Variants in CBFA2T2 observed in about 807,000 individuals in gnomAD.
CBFA2T2 encodes CBFA2/RUNX1 partner transcriptional co-repressor 2, also known as protein CBFA2T2.
Under a neutral mutation model 62.2 loss-of-function variants are expected in CBFA2T2, and 11 were observed. The observed-to-expected ratio is 0.18, with a 90% confidence interval of 0.11 to 0.29. CBFA2T2 has a LOEUF of 0.29. CBFA2T2 is among the 10% of genes least tolerant of loss of function. The pLI is 1.00. For missense variants in CBFA2T2, 592 were observed against 774.1 expected (o/e 0.76, Z 2.79); for synonymous variants, 295 against 287.5 (o/e 1.03, Z -0.27).
At chr20:33,516,341 A>G (rs948722570) in intron 1 of CBFA2T2, among the ~76,000 whole-genome samples, 2 of 152,034 alleles carry the variant, frequency 1.3e-5, no homozygotes, top group South Asian at 2.1e-4. Flanking sequence ...GTGGTGGTGC[A>G]TGCCTGTAAT....
In CBFA2T2 at chr20:33,645,051, G is replaced by A. The variant is rs774744466; in HGVS notation, c.*405G>A. On this transcript the variant is annotated 3_prime_UTR_variant, in exon 11 of 11. Coordinates refer to ENST00000342704, the MANE Select transcript of CBFA2T2 (RefSeq NM_001032999.3). ...CAGCAGGCTGTGGAGGAGGCCCCTC[G>A]GTCAGGGAGCGGCCTGCCTCACCCC... The A allele has an allele frequency of 1.6e-5, 3 of 193,208 alleles. No homozygotes were observed. Among genetic ancestry groups the A allele is most frequent in the African/African-American group, 2.3e-5 (1 of 42,566 alleles). The allele number at this position is 193,208 out of a possible 1,614,324, so 12.0% of individuals were successfully genotyped here.
In CBFA2T2 at chr20:33,628,352, C is replaced by G; in HGVS notation, c.949C>G (p.Leu317Val). The G allele has an allele frequency of 6.2e-7, 1 of 1,607,714 alleles. No homozygotes were observed. The highest frequency in any genetic ancestry group is 1.7e-5 in the Admixed American group (1 of 59,996). ...EVRDRHHSLGLNGGYQDELVD... is the reference protein window; with the variant it reads ...EVRDRHHSLGVNGGYQDELVD... ...ATTTAATCTGTAATTTCTAATAGGT[C>G]TAAATGGAGGCTATCAAGATGAGTT... Residue 317 changes from leucine (L) to valine (V), a missense_variant and splice_region_variant, in exon 7 of 11, where the codon CTA (leucine) becomes GTA (valine). By Grantham distance (32) the Leu-to-Val change is conservative. Transcript: ENST00000342704.
At chr20:33,535,446 CCTT>C (rs201204396) in intron 1 of CBFA2T2, among the ~76,000 whole-genome samples, 4,031 of 149,672 alleles carry the variant, frequency 0.027, 162 homozygotes, top group African/African-American at 0.092. Context: ...TCAGTTGCTT[CCTT>C]ATTTATCTTA....
chr20:33,563,800 T>G (rs2013181128), intron 1 of CBFA2T2, among the ~76,000 whole-genome samples: 1 of 152,156 alleles, frequency 6.6e-6, no homozygotes, highest in African/African-American at 2.4e-5. Context: ...CCTAAACCCC[T>G]TGCATTTTTA....
intron 1 of CBFA2T2, among the ~76,000 whole-genome samples, chr20:33,593,299 C>T (rs935319505): frequency 1.3e-5 from 2 of 151,696 alleles, no homozygotes; most frequent in Non-Finnish European, 2.9e-5. Context: ...GCCACTGCAC[C>T]CCAACCTGGG....
intron 1 of CBFA2T2, among the ~76,000 whole-genome samples, chr20:33,536,634 C>T (rs1197520376): frequency 2.0e-5 from 3 of 149,656 alleles, no homozygotes; most frequent in Non-Finnish European, 4.4e-5. Flanking sequence ...GGTTGCCAGG[C>T]GGAGGGTCTC....
chr20:33,521,104 TTTAGGGGGAGAAGAA>T lies in CBFA2T2; in HGVS notation c.34+30804_34+30818del, dbSNP rs531593088. On this transcript the variant is annotated intron_variant, in intron 1 of 10. Transcript: ENST00000342704. ...AGTATAGGTTAAGTCGATTTAAGGC[TTTAGGGGGAGAAGAA>T]AACATTTCTCAATTATAAAGTATAC... is the stretch of plus-strand genomic sequence containing the variant. 2.4e-3 allele frequency among the ~76,000 whole-genome samples: 362 copies of T among 151,860 alleles called. 2 individuals are homozygous for T. The highest frequency in any genetic ancestry group is 6.9e-3 in the African/African-American group (284 of 41,410).
intron 1 of CBFA2T2, among the ~76,000 whole-genome samples, chr20:33,579,815 CTCTTT>C (rs2146912422): frequency 9.0e-6 from 1 of 110,888 alleles, no homozygotes; most frequent in Admixed American, 1.0e-4. Context: ...CTCTCTCTCT[CTCTTT>C]TTTTTTTTTT....
chr20:33,538,373 T>A (rs556094838), intron 1 of CBFA2T2, among the ~76,000 whole-genome samples: 1 of 152,130 alleles, frequency 6.6e-6, no homozygotes, highest in African/African-American at 2.4e-5. Context: ...TTCTTTTTTC[T>A]TTTTCCTTTT....
chr20:33,576,706 G>T (rs2013842620), intron 1 of CBFA2T2, among the ~76,000 whole-genome samples: 1 of 152,284 alleles, frequency 6.6e-6, no homozygotes, highest in African/African-American at 2.4e-5. Context: ...CAGCAAGGCA[G>T]ACAGCATGGC....
At chr20:33,538,145 T>C (rs536682199) in intron 1 of CBFA2T2, among the ~76,000 whole-genome samples, 2 of 152,218 alleles carry the variant, frequency 1.3e-5, no homozygotes, top group South Asian at 4.1e-4. Flanking sequence ...TTCTCAGTAG[T>C]ATTTTTGTGT....
chr20:33,542,969 T>C (rs2012446143), intron 1 of CBFA2T2, among the ~76,000 whole-genome samples: 1 of 151,270 alleles, frequency 6.6e-6, no homozygotes, highest in African/African-American at 2.4e-5. Context: ...CCCGGCTATT[T>C]CTTACTAATA....
intron 1 of CBFA2T2, among the ~76,000 whole-genome samples, chr20:33,551,542 G>A (rs944415225): frequency 6.8e-6 from 1 of 147,976 alleles, no homozygotes; most frequent in African/African-American, 2.6e-5. Flanking sequence ...TCAATGTTTT[G>A]TTGTTGTTGA....
chr20:33,579,235 A>AT lies in CBFA2T2; in HGVS notation c.35-27713dup, dbSNP rs1022388330. On this transcript the variant is annotated intron_variant, in intron 1 of 10. Coordinates refer to ENST00000342704, the MANE Select transcript of CBFA2T2 (RefSeq NM_001032999.3). The stretch of plus-strand genomic sequence containing the variant: ...TTTTTAATTTTTAAATTTTTATTCA[A>AT]TTTTTTTTAAAATTTAGCGATGGGG... 3.5e-4 allele frequency among the ~76,000 whole-genome samples: 52 copies of AT among 150,424 alleles called. 1 individual carries two copies. Among genetic ancestry groups the AT allele is most frequent in the South Asian group, 4.2e-4 (2 of 4,798 alleles).
intron 10 of CBFA2T2, among the ~76,000 whole-genome samples, chr20:33,643,300 G>C (rs2016919126): frequency 6.6e-6 from 1 of 152,168 alleles, no homozygotes; most frequent in Non-Finnish European, 1.5e-5. Flanking sequence ...TAGGGAACAG[G>C]CACAGTGGCC....
In CBFA2T2 at chr20:33,612,475, A is replaced by G. The variant is rs557317174; in HGVS notation, c.420+1140A>G. Among the ~76,000 whole-genome samples, 9 of 152,280 alleles carry G rather than the reference A, an allele frequency of 5.9e-5. No homozygotes were observed. In the East Asian group the frequency reaches 1.7e-3, roughly 29 times the overall value. ...TCTGGAGATCCAGAAGGTGAAAACTATTTTCATAATATAACAGTAGACTAA... is the reference window on the plus strand; with the variant it reads ...TCTGGAGATCCAGAAGGTGAAAACTGTTTTCATAATATAACAGTAGACTAA... On this transcript the variant is annotated intron_variant, in intron 3 of 10. Transcript: ENST00000342704.
chr20:33,539,779 T>G (rs1377300912), intron 1 of CBFA2T2, among the ~76,000 whole-genome samples: 1 of 151,536 alleles, frequency 6.6e-6, no homozygotes, highest in Non-Finnish European at 1.5e-5. Context: ...CTCAAACTCC[T>G]AGGCTCAAGC....
chr20:33,510,272 G>A (rs190863981), intron 1 of CBFA2T2, among the ~76,000 whole-genome samples: 2 of 150,426 alleles, frequency 1.3e-5, no homozygotes, highest in African/African-American at 2.5e-5. Context: ...GTGCAGTGGC[G>A]CTATCTTGGC....
intron 1 of CBFA2T2, 78 bp from the exon 2 acceptor site, chr20:33,606,878 A>G: frequency 2.2e-6 from 3 of 1,386,966 alleles, no homozygotes; most frequent in Non-Finnish European, 3.0e-6. Context: ...CTAGGGAAGT[A>G]TGTTGGTATT....
Sources: allele counts gnomAD v4.1 joint callset (sites outside exome capture counted in the v4.1 genomes callset), GRCh38; gene constraint gnomAD v4.1.1; transcripts MANE v1.5; gene names NCBI Gene and HGNC (gene_info 2026-07-23, HGNC 2026-07-21).